Variants in TYRP1 observed in about 807,000 individuals in gnomAD.
The protein encoded by TYRP1 is 5,6-dihydroxyindole-2-carboxylic acid oxidase.
TYRP1 carries 49 observed loss-of-function variants against 42.8 expected under a neutral mutation model. The observed-to-expected ratio is 1.14, with a 90% CI of 0.91 to 1.45. The LOEUF (loss-of-function observed/expected upper bound fraction) is 1.45. Ranked by LOEUF, TYRP1 falls within the 40% of genes most tolerant of loss-of-function variation. The pLI is 0.00. For synonymous variants in TYRP1, 279 were observed against 235.4 expected, an observed-to-expected ratio of 1.19 and a Z score of -1.69; for missense variants, 848 against 662.0, an observed-to-expected ratio of 1.28 and a Z score of -3.08.
chr9:12,701,325 T>C (rs1250740617), intron 4 of TYRP1, among the ~76,000 whole-genome samples: 1 of 151,950 alleles, frequency 6.6e-6, no homozygotes, highest in African/African-American at 2.4e-5. Context: ...CCCTCCCCCT[T>C]TTTTTGTTTA....
chr9:12,697,845 G>A (rs777276229), intron 3 of TYRP1, among the ~76,000 whole-genome samples: 8 of 152,142 alleles, frequency 5.3e-5, no homozygotes, highest in Non-Finnish European at 1.2e-4. Context: ...TTAGGCAGAA[G>A]CCTGAGTCTT....
chr9:12,693,851 G>T, intron 1 of TYRP1, 61 bp from the exon 2 acceptor site: 1 of 1,027,802 alleles, frequency 9.7e-7, no homozygotes, highest in Non-Finnish European at 1.4e-6. Flanking sequence ...TGGGAAGGGG[G>T]CATACCATTT....
rs1818318029 is a variant in TYRP1, at chr9:12,709,317, A to G, written c.*135A>G. The G allele has an allele frequency of 3.2e-6, 3 of 925,108 alleles. No individual in the cohort carries two copies. Among genetic ancestry groups the G allele is most frequent in the Non-Finnish European group, 3.4e-6 (2 of 592,152 alleles). The allele number at this position is 925,108 out of a possible 1,614,324, so 57.3% of individuals were successfully genotyped here. A position where few individuals can be genotyped will look rare whatever the true frequency, so the allele number is the denominator to read the frequency against. On this transcript the variant is annotated 3_prime_UTR_variant, in exon 8 of 8. Coordinates refer to ENST00000388918, the MANE Select transcript of TYRP1 (RefSeq NM_000550.3). ...AAGCATATGTTAGCATTAAAGTTCTAGGCATACTTTTCAAAGCTGGGAAGA... is the reference window on the plus strand; with the variant it reads ...AAGCATATGTTAGCATTAAAGTTCTGGGCATACTTTTCAAAGCTGGGAAGA...
chr9:12,709,413 A>G lies in TYRP1; in HGVS notation c.*231A>G, dbSNP rs1230706999. The G allele has an allele frequency of 3.7e-6, 2 of 535,450 alleles. No individual in the cohort carries two copies. The highest frequency in any genetic ancestry group is 5.2e-4 in the Middle Eastern group (1 of 1,914). 33.2% of individuals were successfully genotyped at this position (535,450 alleles called of 1,614,324 possible). ...AAAATGGTGAATGACACTAAACTCC[A>G]TGATATTTAAGGATAGTGTGAAGAT... On this transcript the variant is annotated 3_prime_UTR_variant, in exon 8 of 8. Coordinates refer to ENST00000388918, the MANE Select transcript of TYRP1 (RefSeq NM_000550.3).
chr9:12,697,945 A>G (rs538788836), intron 3 of TYRP1, among the ~76,000 whole-genome samples: 2 of 152,250 alleles, frequency 1.3e-5, no homozygotes, highest in Middle Eastern at 3.4e-3. Context: ...CCAAACCAGA[A>G]TCTAAATGCC....
At chr9:12,696,473 GTATATT>G (rs1192331393) in intron 3 of TYRP1, among the ~76,000 whole-genome samples, 1 of 151,972 alleles carries the variant, frequency 6.6e-6, no homozygotes, top group Non-Finnish European at 1.5e-5. Context: ...ACTTTACTAT[GTATATT>G]TATATCAAAG....
chr9:12,698,718 G>A (rs973888112), intron 4 of TYRP1, 63 bp downstream of exon 4: 2 of 1,459,060 alleles, frequency 1.4e-6, no homozygotes, highest in Non-Finnish European at 1.9e-6. Context: ...TAAATATGTT[G>A]CCTGAAAGGC....
chr9:12,693,885 A>G, intron 1 of TYRP1, 27 bp from the exon 2 acceptor site: 9 of 1,436,652 alleles, frequency 6.3e-6, no homozygotes, highest in Non-Finnish European at 8.6e-6. Context: ...AAACTTGCAT[A>G]ATCTCATTTT....
Position 12,696,830 on chromosome 9 carries a change from A to G in TYRP1, c.708+993A>G, listed in dbSNP as rs569320735. On this transcript the variant is annotated intron_variant, in intron 3 of 7. Transcript: ENST00000388918. ...CTGTTTTCTATGTGAAATAACAGCA[A>G]TGAATCTCCCCCTTCAAGTTAAGAT... is the stretch of plus-strand genomic sequence containing the variant. Among the ~76,000 whole-genome samples the G allele has an allele frequency of 1.8e-4, 28 of 152,326 alleles. No homozygotes were observed. The South Asian group carries it at 5.6e-3, about 30-fold the overall frequency.
rs752929624 is a variant in TYRP1, at chr9:12,694,521, C to T, written c.385+140C>T. Reference sequence around the variant, plus strand: ...CTTTTCATAGTTGAGGAAACTGAGGCTTAGAAAGGTTAAGAAACTTGTTTA... The same window carrying T: ...CTTTTCATAGTTGAGGAAACTGAGGTTTAGAAAGGTTAAGAAACTTGTTTA... On this transcript the variant is annotated intron_variant, in intron 2 of 7. Transcript: ENST00000388918. 5.7e-5 allele frequency: 64 copies of T among 1,119,828 alleles called. No homozygotes were observed. The Middle Eastern group carries it at 8.3e-4, about 14-fold the overall frequency. The allele number at this position is 1,119,828 out of a possible 1,614,324, so 69.4% of individuals were successfully genotyped here. A position where few individuals can be genotyped will look rare whatever the true frequency, so the allele number is the denominator to read the frequency against.
Position 12,698,638 on chromosome 9 carries a change from T to G in TYRP1, c.896T>G (p.Leu299Arg), listed in dbSNP as rs757733461. The stretch of plus-strand genomic sequence containing the variant: ...GACTCCTTGGAAGATTATGATACCC[T>G]GGGAACACTTTGTAACAGTAAGTTC... ...VCDSLEDYDT[L>R]GTLCNSTEDG... Residue 299 changes from leucine (L) to arginine (R), a missense_variant, in exon 4 of 8, where the codon CTG (leucine) becomes CGG (arginine). Leu to Arg is a moderately radical substitution (Grantham distance 102). Transcript: ENST00000388918. 3 of 1,613,642 alleles carry G rather than the reference T, an allele frequency of 1.9e-6. No individual in the cohort carries two copies. Among genetic ancestry groups the G allele is most frequent in the Admixed American group, 3.3e-5 (2 of 59,924 alleles).
intron 4 of TYRP1, among the ~76,000 whole-genome samples, chr9:12,700,957 T>G (rs1163997089): frequency 6.6e-6 from 1 of 152,086 alleles, no homozygotes; most frequent in Non-Finnish European, 1.5e-5. Context: ...ATTATTACGT[T>G]AATTATAAAG....
rs779977893 is a variant in TYRP1 at position 12,704,568 on chromosome 9, G to T, written c.1124G>T (p.Ser375Ile). 3 of 1,613,040 alleles carry T rather than the reference G, an allele frequency of 1.9e-6. No homozygotes were observed. Among genetic ancestry groups the T allele is most frequent in the Admixed American group, 3.3e-5 (2 of 59,866 alleles). The stretch of plus-strand genomic sequence containing the variant: ...GGAAAGTATGACCCTGCTGTTCGAA[G>T]TCTTCACAATTTGGCTCATCTATTC... Reference protein sequence around the residue: ...PTGKYDPAVRSLHNLAHLFLN... With the variant: ...PTGKYDPAVRILHNLAHLFLN... Residue 375 changes from serine (S) to isoleucine (I), a missense_variant, in exon 6 of 8, where the codon AGT becomes ATT. Transcript: ENST00000388918.
Position 12,709,295 on chromosome 9 carries a change from C to T in TYRP1, c.*113C>T. On this transcript the variant is annotated 3_prime_UTR_variant, in exon 8 of 8. Coordinates refer to ENST00000388918, the MANE Select transcript of TYRP1 (RefSeq NM_000550.3). Reference sequence around the variant, plus strand: ...TTTATTACCTTCTTTCTAATACAAGCATATGTTAGCATTAAAGTTCTAGGC... The same window carrying T: ...TTTATTACCTTCTTTCTAATACAAGTATATGTTAGCATTAAAGTTCTAGGC... 9.1e-7 allele frequency: 1 copy of T among 1,097,782 alleles called. No homozygotes were observed. Among genetic ancestry groups the T allele is most frequent in the Non-Finnish European group, 1.4e-6 (1 of 734,734 alleles). The allele number at this position is 1,097,782 out of a possible 1,614,324, so 68.0% of individuals were successfully genotyped here.
intron 1 of TYRP1, among the ~76,000 whole-genome samples, chr9:12,693,703 G>A (rs893077178): frequency 6.7e-6 from 1 of 150,128 alleles, no homozygotes; most frequent in African/African-American, 2.5e-5. Context: ...ACGAGGACAG[G>A]GAATTTAATT....
Position 12,694,021 on chromosome 9 carries a change from C to T in TYRP1, c.25C>T (p.Leu9=). Residue 9 remains leucine (L), a synonymous_variant, in exon 2 of 8, where the codon CTG becomes TTG. Transcript: ENST00000388918. The part of the protein sequence containing the change: MSAPKLLS[L]GCIFFPLLLF... ...AATGAGTGCTCCTAAACTCCTCTCT[C>T]TGGGCTGTATCTTCTTCCCCTTGCT... The T allele has an allele frequency of 1.2e-6, 2 of 1,614,092 alleles. No individual in the cohort carries two copies. The highest frequency in any genetic ancestry group is 1.7e-6 in the Non-Finnish European group (2 of 1,180,018).
intron 5 of TYRP1, among the ~76,000 whole-genome samples, chr9:12,703,625 A>G (rs1818209772): frequency 6.6e-6 from 1 of 152,016 alleles, no homozygotes; most frequent in Non-Finnish European, 1.5e-5. Flanking sequence ...TCAAATAACA[A>G]TGGAATAGAT....
chr9:12,709,294 G>C lies in TYRP1; in HGVS notation c.*112G>C. 2.7e-6 allele frequency: 3 copies of C among 1,099,808 alleles called. No individual in the cohort carries two copies. The East Asian group carries it at 7.5e-5, about 27-fold the overall frequency. 68.1% of individuals were successfully genotyped at this position (1,099,808 alleles called of 1,614,324 possible). ...CTTTATTACCTTCTTTCTAATACAA[G>C]CATATGTTAGCATTAAAGTTCTAGG... On this transcript the variant is annotated 3_prime_UTR_variant, in exon 8 of 8. Transcript: ENST00000388918.
chr9:12,700,214 C>A (rs549584232), intron 4 of TYRP1: 1 of 151,844 alleles, frequency 6.6e-6, no homozygotes. Flanking sequence ...TATTACTGTT[C>A]TTCTTTAATG....
Sources: allele counts gnomAD v4.1 joint callset (sites outside exome capture counted in the v4.1 genomes callset), GRCh38; gene constraint gnomAD v4.1.1; transcripts MANE v1.5; gene names NCBI Gene and HGNC (gene_info 2026-07-23, HGNC 2026-07-21).